Variants in KCNK2 observed in about 807,000 individuals in gnomAD.
KCNK2 encodes potassium channel subfamily K member 2.
A neutral mutation model predicts 40.5 loss-of-function variants in KCNK2; 21 were observed. The ratio of observed to expected loss-of-function variants is 0.52; its 90% confidence interval spans 0.37 to 0.75. The LOEUF (loss-of-function observed/expected upper bound fraction) is 0.75. KCNK2 is among the 30% of genes least tolerant of loss of function. The pLI is 0.00. For synonymous variants in KCNK2, 191 were observed against 202.2 expected (o/e 0.94, Z 0.47); for missense variants, 399 against 531.6 (o/e 0.75, Z 2.45).
At chr1:215,010,859 T>C (rs371291100) in intron 1 of KCNK2, among the ~76,000 whole-genome samples, 5 of 132,928 alleles carry the variant, frequency 3.8e-5, no homozygotes, top group Non-Finnish European at 6.2e-5. Context: ...AGATTTTTTT[T>C]TTTTTTTTTT....
chr1:215,108,373 A>G (rs1294616830), intron 2 of KCNK2, among the ~76,000 whole-genome samples: 3 of 152,148 alleles, frequency 2.0e-5, no homozygotes, highest in Non-Finnish European at 4.4e-5. Context: ...TTTGGTATCC[A>G]TGGGTTGAGG....
chr1:215,139,219 T>C (rs1239293619), intron 3 of KCNK2, among the ~76,000 whole-genome samples: 1 of 152,198 alleles, frequency 6.6e-6, no homozygotes, highest in Non-Finnish European at 1.5e-5. Flanking sequence ...CCATTTCTTA[T>C]CATTCTAGGA....
upstream of KCNK2, among the ~76,000 whole-genome samples, chr1:215,079,604 C>T (rs527607970): frequency 2.1e-4 from 32 of 152,264 alleles, no homozygotes; most frequent in Middle Eastern, 3.4e-3. Context: ...CTATCACCTC[C>T]CACCAGGGCA....
At chr1:215,048,911 A>G (rs769950461) in intron 1 of KCNK2, among the ~76,000 whole-genome samples, 5 of 152,206 alleles carry the variant, frequency 3.3e-5, no homozygotes, top group Admixed American at 6.5e-5. Context: ...TCATCCATCA[A>G]CGGCATCTGG....
At chr1:215,233,483 C>A (rs1538542) in intron 6 of KCNK2, among the ~76,000 whole-genome samples, 1 of 148,790 alleles carries the variant, frequency 6.7e-6, no homozygotes, top group African/African-American at 2.5e-5. Flanking sequence ...CACGTACACA[C>A]ACACACATTT....
chr1:215,026,818 A>ATGTGTG (rs1491103764), intron 1 of KCNK2, among the ~76,000 whole-genome samples: 1 of 148,042 alleles, frequency 6.8e-6, no homozygotes, highest in Non-Finnish European at 1.5e-5. Context: ...CATCATGTGT[A>ATGTGTG]TGTGTGTGTG....
chr1:215,048,510 C>T (rs10494993), intron 1 of KCNK2, among the ~76,000 whole-genome samples: 44,467 of 152,066 alleles, frequency 0.29, 7,762 homozygotes, highest in South Asian at 0.6. Flanking sequence ...GAGAATCATA[C>T]TTTAGCAACA....
chr1:215,187,849 TAAAA>T (rs768043797), intron 5 of KCNK2, among the ~76,000 whole-genome samples: 3 of 97,392 alleles, frequency 3.1e-5, no homozygotes, highest in Admixed American at 1.0e-4. Context: ...CTCAAAAATT[TAAAA>T]AAAAAAAAAA....
chr1:215,162,366 A>G (rs1378769691), intron 3 of KCNK2, among the ~76,000 whole-genome samples: 1 of 152,060 alleles, frequency 6.6e-6, no homozygotes, highest in African/African-American at 2.4e-5. Context: ...CCCATTCTGT[A>G]TGTTGCCTGT....
In KCNK2 at chr1:215,026,681, A is replaced by G. The variant is rs551601401; in HGVS notation, c.34+20726A>G. On this transcript the variant is annotated intron_variant, in intron 1 of 6. Transcript: ENST00000391895. ...TTATGGTATATCTGGATACCTGGTTAGGTAAATATTCCCTTATTTTAATTT... is the reference window on the plus strand; with the variant it reads ...TTATGGTATATCTGGATACCTGGTTGGGTAAATATTCCCTTATTTTAATTT... 2.0e-5 allele frequency among the ~76,000 whole-genome samples: 3 copies of G among 152,148 alleles called. No homozygotes were observed. The South Asian group carries it at 6.2e-4, about 31-fold the overall frequency.
chr1:215,154,386 A>G (rs1662817717), intron 3 of KCNK2, among the ~76,000 whole-genome samples: 1 of 150,654 alleles, frequency 6.6e-6, no homozygotes, highest in African/African-American at 2.4e-5. Flanking sequence ...AGCTGTATAA[A>G]TGTCTTCTTT....
chr1:215,197,154 A>G (rs1664898577), intron 6 of KCNK2, among the ~76,000 whole-genome samples: 1 of 152,336 alleles, frequency 6.6e-6, no homozygotes, highest in African/African-American at 2.4e-5. Flanking sequence ...TTGGTATAGA[A>G]TATCTGCTTA....
chr1:215,066,767 T>C (rs1325535689), intron 1 of KCNK2, among the ~76,000 whole-genome samples: 1 of 152,210 alleles, frequency 6.6e-6, no homozygotes, highest in African/African-American at 2.4e-5. Context: ...TTTTTATAAC[T>C]TCAGGCCAGG....
intron 3 of KCNK2, among the ~76,000 whole-genome samples, chr1:215,145,620 A>G (rs912199476): frequency 1.3e-5 from 2 of 152,202 alleles, no homozygotes; most frequent in African/African-American, 4.8e-5. Context: ...GGAATTATAT[A>G]GTTCTATCAG....
chr1:215,074,597 A>G (rs1055233230), intron 1 of KCNK2, among the ~76,000 whole-genome samples: 3 of 152,250 alleles, frequency 2.0e-5, no homozygotes, highest in Non-Finnish European at 4.4e-5. Context: ...GAAATTCATT[A>G]GATAATGAAA....
chr1:215,008,707 G>C (rs892320548), intron 1 of KCNK2, among the ~76,000 whole-genome samples: 1 of 152,060 alleles, frequency 6.6e-6, no homozygotes, highest in African/African-American at 2.4e-5. Flanking sequence ...AATTCTAGCT[G>C]TTTAAAGTAA....
chr1:215,115,203 C>G (rs1660876719), intron 2 of KCNK2, among the ~76,000 whole-genome samples: 1 of 152,006 alleles, frequency 6.6e-6, no homozygotes, highest in African/African-American at 2.4e-5. Context: ...ATTTCCCCTG[C>G]CTGTGATTAC....
chr1:215,055,258 T>A (rs975070027), intron 1 of KCNK2, among the ~76,000 whole-genome samples: 4 of 152,242 alleles, frequency 2.6e-5, no homozygotes, highest in African/African-American at 9.6e-5. Flanking sequence ...GTGTCTTTTA[T>A]GTCCCAATCA....
At chr1:215,055,384 A>G (rs1337231912) in intron 1 of KCNK2, among the ~76,000 whole-genome samples, 4 of 152,186 alleles carry the variant, frequency 2.6e-5, no homozygotes, top group African/African-American at 9.6e-5. Flanking sequence ...AGAACTAAAA[A>G]AGGAATGTTG....
Sources: allele counts gnomAD v4.1 joint callset (sites outside exome capture counted in the v4.1 genomes callset), GRCh38; gene constraint gnomAD v4.1.1; transcripts MANE v1.5; gene names NCBI Gene and HGNC (gene_info 2026-07-23, HGNC 2026-07-21).